ARHGEF18: variants seen among roughly 807,000 people sequenced by gnomAD.
ARHGEF18 encodes Rho/Rac guanine nucleotide exchange factor 18.
A neutral mutation model predicts 155.7 loss-of-function variants in ARHGEF18; 93 were observed. The observed-to-expected ratio is 0.60, with a 90% CI of 0.50 to 0.71. ARHGEF18 has a LOEUF of 0.71. ARHGEF18 is among the 30% of genes least tolerant of loss of function. ARHGEF18 has a pLI of 0.00. For synonymous variants in ARHGEF18, 742 were observed against 753.1 expected, an observed-to-expected ratio of 0.99 and a Z score of 0.24; for missense variants, 1,593 against 1,816.1, an observed-to-expected ratio of 0.88 and a Z score of 2.23.
In ARHGEF18 at chr19:7,467,310, C is replaced by T; in HGVS notation, c.3106C>T (p.Leu1036=). Residue 1036 remains leucine (L), a synonymous_variant, in exon 26 of 29, where the codon CTG becomes TTG. Coordinates refer to ENST00000668164, the MANE Select transcript of ARHGEF18 (RefSeq NM_001367823.1). The part of the protein sequence containing the change: ...QFRLQSTRGN[L]LLEQERQRNF... ...CCGGCTGCAGTCGACGCGTGGGAAC[C>T]TGCTGCTGGAGCAGGAGCGGCAACG... is the stretch of plus-strand genomic sequence containing the variant. 4 of 1,540,966 alleles carry T rather than the reference C, an allele frequency of 2.6e-6. No homozygotes were observed. The highest frequency in any genetic ancestry group is 1.8e-4 in the Middle Eastern group (1 of 5,474).
At chr19:7,450,340 C>G (rs900144411) in intron 15 of ARHGEF18, among the ~76,000 whole-genome samples, 1 of 136,912 alleles carries the variant, frequency 7.3e-6, no homozygotes, top group Non-Finnish European at 1.6e-5. Flanking sequence ...TGTCCATTTC[C>G]AAGATGTTAA....
chr19:7,475,360 G>A (rs1010229521), downstream of ARHGEF18, among the ~76,000 whole-genome samples: 1 of 152,194 alleles, frequency 6.6e-6, no homozygotes, highest in Non-Finnish European at 1.5e-5. Context: ...GGGGCTGCGG[G>A]TGGGTAACAG....
downstream of ARHGEF18, chr19:7,473,278 C>T (rs1055976533): frequency 8.8e-6 from 4 of 455,620 alleles, no homozygotes; most frequent in Non-Finnish European, 1.8e-5. Context: ...CACTAGGAAG[C>T]GCAAAAAGGG....
intron 10 of ARHGEF18, among the ~76,000 whole-genome samples, chr19:7,429,289 C>G (rs1229655880): frequency 4.6e-5 from 7 of 152,174 alleles, no homozygotes; most frequent in African/African-American, 1.7e-4. Context: ...GCTAAGTGAC[C>G]AGTGGGCAGC....
chr19:7,449,761 C>G (rs1266199516), intron 15 of ARHGEF18, among the ~76,000 whole-genome samples: 3 of 152,112 alleles, frequency 2.0e-5, no homozygotes, highest in Non-Finnish European at 4.4e-5. Context: ...ACTGCAGCCT[C>G]AAACTCCTGG....
intron 10 of ARHGEF18, among the ~76,000 whole-genome samples, chr19:7,416,296 C>T (rs1973001890): frequency 6.6e-6 from 1 of 152,000 alleles, no homozygotes; most frequent in Non-Finnish European, 1.5e-5. Context: ...GTCTCAGCTA[C>T]TTGGGAGGCT....
At chr19:7,435,074 C>T (rs900558867) in intron 10 of ARHGEF18, among the ~76,000 whole-genome samples, 1 of 152,086 alleles carries the variant, frequency 6.6e-6, no homozygotes, top group Non-Finnish European at 1.5e-5. Flanking sequence ...TGGTGGCAGG[C>T]ACCTGTAATC....
chr19:7,447,178 A>ATT lies in ARHGEF18; in HGVS notation c.1737+20_1737+21dup, dbSNP rs747203336. 2.8e-6 allele frequency: 4 copies of ATT among 1,406,980 alleles called. No individual in the cohort carries two copies. The highest frequency in any genetic ancestry group is 2.9e-6 in the Non-Finnish European group (3 of 1,032,684). 87.2% of individuals were successfully genotyped at this position (1,406,980 alleles called of 1,614,324 possible). On this transcript the variant is annotated intron_variant, in intron 15 of 28. Transcript: ENST00000668164. The stretch of plus-strand genomic sequence containing the variant: ...TCAAAACTTGATCAAGGTAAAAACA[A>ATT]TTTTTTTTTTTAATCAAAAACTTAT...
intron 9 of ARHGEF18, 83 bp from the exon 10 acceptor site, chr19:7,382,979 G>A (rs1300282674): frequency 8.1e-7 from 1 of 1,232,284 alleles, no homozygotes; most frequent in African/African-American, 1.6e-5. Flanking sequence ...TGTGACTGGG[G>A]CTGGTGGTGG....
At chr19:7,365,148 C>T (rs1231269467) in intron 2 of ARHGEF18, among the ~76,000 whole-genome samples, 1 of 152,182 alleles carries the variant, frequency 6.6e-6, no homozygotes, top group Non-Finnish European at 1.5e-5. Flanking sequence ...CCTGTAATCA[C>T]AGCACTTTGG....
intron 7 of ARHGEF18, among the ~76,000 whole-genome samples, chr19:7,380,478 C>CA (rs60460858): frequency 0.33 from 36,816 of 112,370 alleles, 5,024 homozygotes; most frequent in South Asian, 0.34. Flanking sequence ...GACTCCATCT[C>CA]AAAAAAAAAA....
chr19:7,388,825 C>G (rs1308802330), intron 10 of ARHGEF18, among the ~76,000 whole-genome samples: 1 of 151,990 alleles, frequency 6.6e-6, no homozygotes, highest in Non-Finnish European at 1.5e-5. Context: ...AGGTGATCCA[C>G]CCCCCTCAGC....
chr19:7,472,847 G>C (rs1174587850), downstream of ARHGEF18: 2 of 396,914 alleles, frequency 5.0e-6, no homozygotes, highest in Non-Finnish European at 5.1e-6. Context: ...TTACAGGTGT[G>C]CACCACCACG....
downstream of ARHGEF18, among the ~76,000 whole-genome samples, chr19:7,473,592 A>T (rs1977127642): frequency 6.6e-6 from 1 of 152,034 alleles, no homozygotes; most frequent in African/African-American, 2.4e-5. Flanking sequence ...TGGGCAGATT[A>T]CGAGGTCAGG....
rs865901418 is a variant in ARHGEF18, at chr19:7,457,705, A to G, written c.2182-807A>G. Among the ~76,000 whole-genome samples the G allele has an allele frequency of 2.0e-5, 3 of 152,138 alleles. No homozygotes were observed. The South Asian group carries it at 6.2e-4, about 32-fold the overall frequency. Reference sequence around the variant, plus strand: ...AGGCCCCATCTCCAAAGACAGCCACATTCTGAGGTGCTAGGGCTCAGGACT... The same window carrying G: ...AGGCCCCATCTCCAAAGACAGCCACGTTCTGAGGTGCTAGGGCTCAGGACT... On this transcript the variant is annotated intron_variant, in intron 18 of 28. Coordinates refer to ENST00000668164, the MANE Select transcript of ARHGEF18 (RefSeq NM_001367823.1).
At chr19:7,474,503 C>T (rs868600292), downstream of ARHGEF18, among the ~76,000 whole-genome samples, 4 of 151,900 alleles carry the variant, frequency 2.6e-5, no homozygotes, top group Non-Finnish European at 4.4e-5. Context: ...CTCAGCCTCC[C>T]GAGTAGCTGG....
intron 7 of ARHGEF18, among the ~76,000 whole-genome samples, chr19:7,380,446 T>A (rs1170781148): frequency 9.0e-5 from 13 of 143,984 alleles, no homozygotes; most frequent in Non-Finnish European, 1.6e-4. Flanking sequence ...ACCACCACAC[T>A]CCAGCCTGGG....
intron 4 of ARHGEF18, 115 bp downstream of exon 4, chr19:7,375,985 G>T: frequency 9.0e-7 from 1 of 1,115,650 alleles, no homozygotes; most frequent in Non-Finnish European, 1.1e-6. Context: ...CACCATGGCA[G>T]GGTGGAGGCT....
chr19:7,472,980 G>A (rs1217461681), downstream of ARHGEF18: 2 of 456,014 alleles, frequency 4.4e-6, no homozygotes, highest in Admixed American at 2.3e-5. Context: ...GGGATTACGG[G>A]CACAGGGCAG....
Sources: allele counts gnomAD v4.1 joint callset (sites outside exome capture counted in the v4.1 genomes callset), GRCh38; gene constraint gnomAD v4.1.1; transcripts MANE v1.5; gene names NCBI Gene and HGNC (gene_info 2026-07-23, HGNC 2026-07-21).